ZNF469: variants seen among roughly 807,000 people sequenced by gnomAD.
ZNF469 encodes the protein zinc finger protein 469.
ZNF469 carries 1 observed loss-of-function variant against 1.0 expected under a neutral mutation model. The observed-to-expected ratio is 1.00, with a 90% CI of 0.35 to 4.73. The LOEUF (loss-of-function observed/expected upper bound fraction) is 4.73, where lower values mean the gene tolerates loss of function less well. Among genes scored for constraint, ZNF469 ranks in the 30% most tolerant of loss-of-function variants. The probability of loss-of-function intolerance (pLI) is 0.16; values close to 1 mark genes in which losing one functional copy is unlikely to be tolerated. For missense variants in ZNF469, 6,100 were observed against 5,356.3 expected, an observed-to-expected ratio of 1.14 and a Z score of -4.33; for synonymous variants, 2,703 against 2,363.4, an observed-to-expected ratio of 1.14 and a Z score of -4.17.
At chr16:88,299,534 T>G in the ZNF469 span, among the ~76,000 whole-genome samples, 1 of 152,142 alleles carries the variant, frequency 6.6e-6, no homozygotes, top group East Asian at 1.9e-4. Context: ...CAAGGGCTCA[T>G]CTTGAGGCAT....
chr16:88,369,113 C>T, the ZNF469 span, among the ~76,000 whole-genome samples: 2 of 151,844 alleles, frequency 1.3e-5, no homozygotes, highest in Admixed American at 6.6e-5. Context: ...CAGGTCTCCA[C>T]AGCTTCCACT....
chr16:88,194,673 G>C, the ZNF469 span: 1 of 152,232 alleles, frequency 6.6e-6, no homozygotes, highest in African/African-American at 2.4e-5. Flanking sequence ...ACTTGATCAG[G>C]GTAGATTTAT....
chr16:88,167,689 G>GCGTTTC, the ZNF469 span, among the ~76,000 whole-genome samples: 1 of 152,304 alleles, frequency 6.6e-6, no homozygotes, highest in South Asian at 2.1e-4. Context: ...CCACTCCGCT[G>GCGTTTC]CGTTTCCTCA....
rs567121358 is a variant in ZNF469 at position 88,433,421 on chromosome 16, G to A, written c.5951G>A (p.Gly1984Asp). Residue 1984 changes from glycine to aspartate, a missense_variant, in exon 3 of 3, where the codon GGC becomes GAC. Transcript: ENST00000565624. Reference sequence around the variant, plus strand: ...GGGCTGGAGGCAGATGGACATTGGGGCTTGCTTGGCCAAGCCGAGAAAACC... The same window carrying A: ...GGGCTGGAGGCAGATGGACATTGGGACTTGCTTGGCCAAGCCGAGAAAACC... ...QLGLEADGHW[G>D]LLGQAEKTQG... 1.9e-6 allele frequency: 3 copies of A among 1,550,344 alleles called. 1 individual carries two copies. The South Asian group carries it at 3.6e-5, about 18-fold the overall frequency.
At chr16:88,129,217 G>C in the ZNF469 span, among the ~76,000 whole-genome samples, 24 of 152,180 alleles carry the variant, frequency 1.6e-4, no homozygotes, top group Non-Finnish European at 3.2e-4. Flanking sequence ...GTCATGCCAG[G>C]AACCAAACTA....
At chr16:88,363,426 T>G in the ZNF469 span, among the ~76,000 whole-genome samples, 11 of 152,262 alleles carry the variant, frequency 7.2e-5, no homozygotes, top group Non-Finnish European at 1.5e-4. Flanking sequence ...AAACTCTGTC[T>G]CCTCTGTTGT....
the ZNF469 span, among the ~76,000 whole-genome samples, chr16:88,376,404 G>A: frequency 1.3e-5 from 2 of 152,358 alleles, no homozygotes; most frequent in South Asian, 4.1e-4. Flanking sequence ...GAGGGAAGCT[G>A]CAGCAGGCAC....
the ZNF469 span, among the ~76,000 whole-genome samples, chr16:88,264,349 C>T: frequency 6.6e-6 from 1 of 152,108 alleles, no homozygotes; most frequent in East Asian, 1.9e-4. Context: ...CAGGCCAGCC[C>T]TGATGCCCAC....
chr16:88,132,381 C>G, the ZNF469 span, among the ~76,000 whole-genome samples: 1 of 152,240 alleles, frequency 6.6e-6, no homozygotes, highest in African/African-American at 2.4e-5. Context: ...TCATCCCCAT[C>G]GCTCCCTCCT....
the ZNF469 span, among the ~76,000 whole-genome samples, chr16:88,301,063 A>T: frequency 6.6e-6 from 1 of 151,576 alleles, no homozygotes; most frequent in Non-Finnish European, 1.5e-5. Context: ...AGACTGTCTC[A>T]AAAAAAAAGA....
upstream of ZNF469, among the ~76,000 whole-genome samples, chr16:88,382,371 T>G (rs1599341256): frequency 6.6e-6 from 1 of 152,214 alleles, no homozygotes. Context: ...CCTGGATGGC[T>G]CCTAGCGCCC....
At chr16:88,145,234 G>A in the ZNF469 span, among the ~76,000 whole-genome samples, 3 of 152,134 alleles carry the variant, frequency 2.0e-5, no homozygotes, top group African/African-American at 7.2e-5. Context: ...CAGGGAAACA[G>A]CTTTGCAGTC....
chr16:88,104,631 C>G, the ZNF469 span, among the ~76,000 whole-genome samples: 42,999 of 152,248 alleles, frequency 0.28, 6,344 homozygotes, highest in South Asian at 0.34. Flanking sequence ...TTCCGGGGGC[C>G]TGTCCATGCA....
intron 1 of ZNF469, among the ~76,000 whole-genome samples, chr16:88,409,475 G>T (rs1905088216): frequency 6.6e-6 from 1 of 152,120 alleles, no homozygotes; most frequent in Admixed American, 6.5e-5. Flanking sequence ...CGGGGCAGCA[G>T]CCAGGACACA....
Position 88,437,610 on chromosome 16 carries a change from G to C in ZNF469, c.10140G>C (p.Leu3380=). The C allele has an allele frequency of 6.5e-7, 1 of 1,538,268 alleles. No individual in the cohort carries two copies. Among genetic ancestry groups the C allele is most frequent in the Non-Finnish European group, 8.8e-7 (1 of 1,138,008 alleles). The change falls in exon 3 of 3, where the codon CTG becomes CTC. Residue 3380 remains leucine (L), a synonymous_variant. Transcript: ENST00000565624. Reference sequence around the variant, plus strand: ...GGGTCTACCCCGAGCACGGGGAGCTGCTGGCACACCTGGGCGGGGCGCACG... The same window carrying C: ...GGGTCTACCCCGAGCACGGGGAGCTCCTGGCACACCTGGGCGGGGCGCACG... The part of the protein sequence containing the change: ...CPRVYPEHGE[L]LAHLGGAHGL...
the ZNF469 span, among the ~76,000 whole-genome samples, chr16:88,242,392 C>A: frequency 6.6e-6 from 1 of 152,228 alleles, no homozygotes; most frequent in Non-Finnish European, 1.5e-5. Context: ...CTTCTGAGGC[C>A]TCTCCCTGGC....
the ZNF469 span, among the ~76,000 whole-genome samples, chr16:88,135,236 C>G: frequency 2.0e-5 from 3 of 152,270 alleles, no homozygotes; most frequent in Non-Finnish European, 4.4e-5. Context: ...CCTCCTTTAT[C>G]TCACAAGGCC....
At chr16:88,114,002 T>A in the ZNF469 span, among the ~76,000 whole-genome samples, 2 of 152,246 alleles carry the variant, frequency 1.3e-5, no homozygotes, top group Non-Finnish European at 2.9e-5. Context: ...TCCCATGATG[T>A]CCGGCGAGCA....
the ZNF469 span, among the ~76,000 whole-genome samples, chr16:88,215,309 T>C: frequency 1.3e-5 from 2 of 152,056 alleles, no homozygotes; most frequent in Non-Finnish European, 2.9e-5. Context: ...ACTGAAATAC[T>C]TGCATTTCTA....
Sources: allele counts gnomAD v4.1 joint callset (sites outside exome capture counted in the v4.1 genomes callset), GRCh38; gene constraint gnomAD v4.1.1; transcripts MANE v1.5; gene names NCBI Gene and HGNC (gene_info 2026-07-23, HGNC 2026-07-21).